Variants in NRXN1 observed in about 807,000 individuals in gnomAD.
NRXN1 encodes neurexin-1.
A neutral mutation model predicts 150.9 loss-of-function variants in NRXN1; 39 were observed. That is an observed-to-expected ratio of 0.26 (90% confidence interval 0.20 to 0.34). The LOEUF (loss-of-function observed/expected upper bound fraction) is 0.34, where lower values mean the gene tolerates loss of function less well. NRXN1 is among the 10% of genes least tolerant of loss of function. NRXN1 has a pLI of 1.00. For missense variants in NRXN1, 1,815 were observed against 1,949.9 expected (o/e 0.93, Z 1.30); for synonymous variants, 924 against 757.0 (o/e 1.22, Z -3.62).
At chr2:51,020,765 G>C in intron 2 of NRXN1, among the ~76,000 whole-genome samples, 1 of 151,918 alleles carries the variant, frequency 6.6e-6, no homozygotes, top group East Asian at 1.9e-4. Flanking sequence ...AAGATGTAAA[G>C]TCCCACCTGG....
At chr2:50,294,248 G>A (rs893175177) in intron 17 of NRXN1, among the ~76,000 whole-genome samples, 14 of 152,142 alleles carry the variant, frequency 9.2e-5, no homozygotes, top group Non-Finnish European at 8.8e-5. Context: ...AGCCTAAATT[G>A]CCAGGTAGTT....
chr2:50,388,243 T>C (rs1235473891), intron 17 of NRXN1, among the ~76,000 whole-genome samples: 1 of 152,212 alleles, frequency 6.6e-6, no homozygotes, highest in Non-Finnish European at 1.5e-5. Flanking sequence ...ATATACCATG[T>C]ACTTGAATTG....
chr2:50,167,718 G>C (rs1423028759), intron 18 of NRXN1, among the ~76,000 whole-genome samples: 1 of 152,102 alleles, frequency 6.6e-6, no homozygotes, highest in Admixed American at 6.5e-5. Flanking sequence ...GAGTTAACTA[G>C]GGACCTTTAA....
chr2:50,005,437 A>T (rs760808566), intron 21 of NRXN1, among the ~76,000 whole-genome samples: 2 of 152,130 alleles, frequency 1.3e-5, no homozygotes, highest in Non-Finnish European at 2.9e-5. Context: ...TTACCAGTCA[A>T]CTGCTTTCCT....
At chr2:50,428,108 G>A (rs2104338451) in intron 17 of NRXN1, among the ~76,000 whole-genome samples, 1 of 152,156 alleles carries the variant, frequency 6.6e-6, no homozygotes, top group Middle Eastern at 3.4e-3. Context: ...AGAGAAGCGA[G>A]GATAAGATGA....
intron 8 of NRXN1, among the ~76,000 whole-genome samples, chr2:50,557,067 G>A (rs1172792455): frequency 1.3e-5 from 2 of 152,152 alleles, no homozygotes; most frequent in Non-Finnish European, 2.9e-5. Context: ...CATTAGTAAA[G>A]AGAGTGTTCA....
intron 5 of NRXN1, among the ~76,000 whole-genome samples, chr2:50,683,989 T>C (rs961499522): frequency 1.3e-5 from 2 of 152,000 alleles, no homozygotes; most frequent in African/African-American, 4.8e-5. Flanking sequence ...ATAGTTAGTA[T>C]ACATACCCAT....
intron 18 of NRXN1, among the ~76,000 whole-genome samples, chr2:50,230,801 A>G (rs1374822131): frequency 6.6e-6 from 1 of 152,044 alleles, no homozygotes; most frequent in African/African-American, 2.4e-5. Context: ...GAAGGTAGGA[A>G]TCTGTATTGA....
chr2:50,179,705 A>G lies in NRXN1; in HGVS notation c.3546+57084T>C, dbSNP rs545937532. On this transcript the variant is annotated intron_variant, in intron 18 of 22. Transcript: ENST00000401669. The stretch of plus-strand genomic sequence containing the variant: ...AATTATAAATAAATTAGATGTTTAA[A>G]TTGTTACCCTTTTTTATACTACATA... Among the ~76,000 whole-genome samples the G allele has an allele frequency of 2.6e-5, 4 of 152,296 alleles. No individual in the cohort carries two copies. The South Asian group carries it at 8.3e-4, about 32-fold the overall frequency.
At chr2:50,171,433 G>C (rs2060026537) in intron 18 of NRXN1, among the ~76,000 whole-genome samples, 2 of 151,926 alleles carry the variant, frequency 1.3e-5, no homozygotes, top group South Asian at 4.1e-4. Flanking sequence ...CCCCATTAAT[G>C]AGCTATAATA....
chr2:50,720,131 G>C (rs1285494201), intron 5 of NRXN1, among the ~76,000 whole-genome samples: 2 of 151,944 alleles, frequency 1.3e-5, no homozygotes, highest in African/African-American at 4.8e-5. Context: ...CAAGTGGTCT[G>C]ATTTTTGGAT....
At chr2:49,984,993 T>C (rs896850714) in intron 21 of NRXN1, among the ~76,000 whole-genome samples, 19 of 152,148 alleles carry the variant, frequency 1.2e-4, no homozygotes, top group African/African-American at 3.1e-4. Flanking sequence ...TATGTGACTA[T>C]AGGGAGAGAA....
chr2:50,034,578 A>T (rs1165358910), intron 21 of NRXN1, among the ~76,000 whole-genome samples: 1 of 152,058 alleles, frequency 6.6e-6, no homozygotes, highest in Non-Finnish European at 1.5e-5. Context: ...AATAGTCTGT[A>T]TAACCAACCC....
chr2:50,956,047 T>C (rs1692228434), intron 2 of NRXN1, among the ~76,000 whole-genome samples: 1 of 152,182 alleles, frequency 6.6e-6, no homozygotes, highest in East Asian at 1.9e-4. Flanking sequence ...GATTCTTTTT[T>C]AAATGTCCAG....
At chr2:50,966,998 A>G (rs1694211985) in intron 2 of NRXN1, among the ~76,000 whole-genome samples, 1 of 151,938 alleles carries the variant, frequency 6.6e-6, no homozygotes, top group African/African-American at 2.4e-5. Flanking sequence ...GCTCTAAATA[A>G]GATCAAACTG....
At chr2:50,652,644 C>T (rs1474197737) in intron 5 of NRXN1, among the ~76,000 whole-genome samples, 2 of 152,046 alleles carry the variant, frequency 1.3e-5, no homozygotes, top group African/African-American at 4.8e-5. Context: ...AATGCTGCTG[C>T]TATGCTGTGA....
intron 5 of NRXN1, among the ~76,000 whole-genome samples, chr2:50,751,667 C>T (rs528108953): frequency 6.6e-6 from 1 of 152,110 alleles, no homozygotes; most frequent in Admixed American, 6.6e-5. Context: ...AACTAGCTTT[C>T]ATGATGATTC....
chr2:50,819,551 T>A (rs1388751620), intron 5 of NRXN1, among the ~76,000 whole-genome samples: 1 of 152,010 alleles, frequency 6.6e-6, no homozygotes. Flanking sequence ...GGAGTTGCTG[T>A]TCAATGGGTA....
intron 17 of NRXN1, among the ~76,000 whole-genome samples, chr2:50,241,822 G>A (rs1159132204): frequency 2.0e-5 from 3 of 151,642 alleles, no homozygotes; most frequent in African/African-American, 7.3e-5. Flanking sequence ...GCCTAAGTGT[G>A]CCCACTTCAG....
Sources: allele counts gnomAD v4.1 joint callset (sites outside exome capture counted in the v4.1 genomes callset), GRCh38; gene constraint gnomAD v4.1.1; transcripts MANE v1.5; gene names NCBI Gene and HGNC (gene_info 2026-07-23, HGNC 2026-07-21).